TAFA2: variants seen among roughly 807,000 people sequenced by gnomAD.
TAFA2 encodes the protein chemokine-like protein TAFA-2.
In TAFA2, 7 loss-of-function variants were observed where a neutral mutation model predicts 18.8. The ratio of observed to expected loss-of-function variants is 0.37; its 90% CI spans 0.21 to 0.70. The LOEUF is 0.70. Among genes scored for constraint, TAFA2 ranks in the 30% least tolerant of loss-of-function variants. The pLI is 0.53. For synonymous variants in TAFA2, 60 were observed against 54.2 expected, an observed-to-expected ratio of 1.11 and a Z score of -0.47; for missense variants, 122 against 158.1, an observed-to-expected ratio of 0.77 and a Z score of 1.23.
At chr12:61,978,584 C>T (rs978933466) in intron 1 of TAFA2, among the ~76,000 whole-genome samples, 1 of 152,018 alleles carries the variant, frequency 6.6e-6, no homozygotes, top group Admixed American at 6.6e-5. Flanking sequence ...CACATTAGAA[C>T]TGGATTTCCT....
chr12:62,081,298 G>A (rs983245239), intron 1 of TAFA2, among the ~76,000 whole-genome samples: 3 of 151,998 alleles, frequency 2.0e-5, no homozygotes, highest in Admixed American at 2.0e-4. Flanking sequence ...CATAATTATT[G>A]TCACATTCGT....
intron 1 of TAFA2, among the ~76,000 whole-genome samples, chr12:62,018,608 A>G (rs1881016580): frequency 6.6e-6 from 1 of 152,192 alleles, no homozygotes; most frequent in Admixed American, 6.5e-5. Flanking sequence ...TGCTGGGAAA[A>G]CTGGCTAGCC....
intron 2 of TAFA2, among the ~76,000 whole-genome samples, chr12:61,856,097 T>C (rs1406751668): frequency 6.6e-6 from 1 of 152,070 alleles, no homozygotes; most frequent in East Asian, 1.9e-4. Flanking sequence ...TGTTTATTTT[T>C]TGAATTCAAG....
At chr12:62,247,733 T>C (rs2062893535) in intron 1 of TAFA2, among the ~76,000 whole-genome samples, 1 of 152,242 alleles carries the variant, frequency 6.6e-6, no homozygotes, top group South Asian at 2.1e-4. Context: ...CTAAAATCTA[T>C]ACCTTGCAGG....
chr12:62,255,018 T>C (rs2062931605), intron 1 of TAFA2: 4 of 152,234 alleles, frequency 2.6e-5, no homozygotes, highest in Admixed American at 2.0e-4. Flanking sequence ...ACTTTGGTAG[T>C]ATAGATTTCC....
chr12:62,174,791 A>G (rs2062501046), intron 1 of TAFA2, among the ~76,000 whole-genome samples: 1 of 152,242 alleles, frequency 6.6e-6, no homozygotes. Context: ...CATTTTGAAT[A>G]CGAATATTTC....
intron 1 of TAFA2, among the ~76,000 whole-genome samples, chr12:62,107,468 A>G (rs1188301821): frequency 1.3e-5 from 2 of 152,188 alleles, no homozygotes; most frequent in African/African-American, 4.8e-5. Context: ...TATTAAAGCC[A>G]TATTTTCTTA....
chr12:61,880,179 A>G, intron 1 of TAFA2: 1 of 540,136 alleles, frequency 1.9e-6, no homozygotes, highest in Admixed American at 2.4e-5. Context: ...CAGATCAAGT[A>G]TGAGGACCTG....
At chr12:61,889,120 A>T (rs1263755932) in intron 1 of TAFA2, among the ~76,000 whole-genome samples, 1 of 152,176 alleles carries the variant, frequency 6.6e-6, no homozygotes, top group Non-Finnish European at 1.5e-5. Context: ...TCTACCCAAT[A>T]GAAGTAACAT....
chr12:61,722,628 A>C (rs1869958437), intron 4 of TAFA2, among the ~76,000 whole-genome samples: 1 of 152,086 alleles, frequency 6.6e-6, no homozygotes, highest in African/African-American at 2.4e-5. Flanking sequence ...CCAATCCTCC[A>C]TTTTCTTTAT....
At chr12:61,763,340 T>C (rs1869642941) in intron 2 of TAFA2, among the ~76,000 whole-genome samples, 1 of 151,850 alleles carries the variant, frequency 6.6e-6, no homozygotes, top group Non-Finnish European at 1.5e-5. Flanking sequence ...AACAGTATGG[T>C]CTCTATTAAC....
At chr12:61,870,267 T>TACTGCAAC (rs1420461285) in intron 1 of TAFA2, among the ~76,000 whole-genome samples, 4 of 152,242 alleles carry the variant, frequency 2.6e-5, no homozygotes, top group Non-Finnish European at 4.4e-5. Context: ...TACCTATTAC[T>TACTGCAAC]ACTGCAACAC....
chr12:62,170,646 G>T (rs2062471078), intron 1 of TAFA2, among the ~76,000 whole-genome samples: 1 of 151,736 alleles, frequency 6.6e-6, no homozygotes, highest in African/African-American at 2.4e-5. Context: ...AATTTAAGGG[G>T]TACACATGCA....
intron 1 of TAFA2, among the ~76,000 whole-genome samples, chr12:62,018,850 T>C (rs1366857002): frequency 6.6e-6 from 1 of 152,160 alleles, no homozygotes; most frequent in Non-Finnish European, 1.5e-5. Context: ...AAAGAGCTTC[T>C]GCACAGCAAA....
intron 1 of TAFA2, among the ~76,000 whole-genome samples, chr12:61,928,917 C>G (rs1877426402): frequency 6.6e-6 from 1 of 151,964 alleles, no homozygotes; most frequent in Non-Finnish European, 1.5e-5. Flanking sequence ...AACAGAAAAC[C>G]AAACATCACA....
chr12:61,920,923 A>C (rs1877025309), intron 1 of TAFA2, among the ~76,000 whole-genome samples: 1 of 152,126 alleles, frequency 6.6e-6, no homozygotes, highest in Admixed American at 6.5e-5. Context: ...CTTAAAGAAG[A>C]TGAGTGAGTA....
At chr12:61,908,100 A>G (rs1461905556) in intron 1 of TAFA2, among the ~76,000 whole-genome samples, 1 of 152,132 alleles carries the variant, frequency 6.6e-6, no homozygotes. Context: ...GCTGGAATGA[A>G]TTAAGACTTT....
intron 1 of TAFA2, among the ~76,000 whole-genome samples, chr12:62,098,188 G>A (rs1038408657): frequency 4.6e-5 from 7 of 152,092 alleles, no homozygotes; most frequent in Admixed American, 1.3e-4. Flanking sequence ...GAAAGAGTAT[G>A]CAAACACTTA....
intron 2 of TAFA2, among the ~76,000 whole-genome samples, chr12:61,784,934 C>A (rs1474406362): frequency 1.3e-5 from 2 of 151,438 alleles, no homozygotes; most frequent in African/African-American, 4.8e-5. Context: ...ATCCATCACC[C>A]TGGACATTTA....
Sources: allele counts gnomAD v4.1 joint callset (sites outside exome capture counted in the v4.1 genomes callset), GRCh38; gene constraint gnomAD v4.1.1; transcripts MANE v1.5; gene names NCBI Gene and HGNC (gene_info 2026-07-23, HGNC 2026-07-21).